OR3A2: variants seen among roughly 807,000 people sequenced by gnomAD.
The protein encoded by OR3A2 is olfactory receptor 3A2.
For synonymous variants in OR3A2, 126 were observed against 159.3 expected, an observed-to-expected ratio of 0.79 and a Z score of 1.57; for missense variants, 318 against 392.8, an observed-to-expected ratio of 0.81 and a Z score of 1.61.
At chr17:3,335,374 C>A (rs933118915) in intron 3 of OR3A2, among the ~76,000 whole-genome samples, 2 of 152,004 alleles carry the variant, frequency 1.3e-5, no homozygotes, top group African/African-American at 2.4e-5. Context: ...ATTAATCTAG[C>A]CTTTCTTTTG....
At chr17:3,349,919 C>A (rs996870419) in intron 2 of OR3A2, among the ~76,000 whole-genome samples, 2 of 151,968 alleles carry the variant, frequency 1.3e-5, no homozygotes, top group Non-Finnish European at 2.9e-5. Context: ...GAACAACCTG[C>A]TCCTGAATGA....
chr17:3,306,986 T>C lies in OR3A2; in HGVS notation c.-84-27833A>G, dbSNP rs139733340. 1.8e-4 allele frequency among the ~76,000 whole-genome samples: 28 copies of C among 152,346 alleles called. No individual in the cohort carries two copies. The East Asian group carries it at 5.0e-3, about 27-fold the overall frequency. On this transcript the variant is annotated intron_variant, in intron 3 of 4. Transcript: ENST00000573491. Reference sequence around the variant, plus strand: ...TTACACACGCACGCGTGCTTGTGTGTGTGCGCATTTTGTACAAAAGGTTTT... The same window carrying C: ...TTACACACGCACGCGTGCTTGTGTGCGTGCGCATTTTGTACAAAAGGTTTT...
intron 2 of OR3A2, among the ~76,000 whole-genome samples, chr17:3,367,601 G>GTATACA: frequency 8.2e-6 from 1 of 122,538 alleles, no homozygotes; most frequent in East Asian, 2.2e-4. Context: ...GTGTGTGTGT[G>GTATACA]TATATATATA....
At chr17:3,315,754 G>A (rs1363618457) in intron 3 of OR3A2, among the ~76,000 whole-genome samples, 3 of 100,794 alleles carry the variant, frequency 3.0e-5, no homozygotes, top group African/African-American at 1.5e-4. Flanking sequence ...GAAAATATGG[G>A]GGGGGGGGCG....
At chr17:3,360,409 C>T (rs949541128) in intron 2 of OR3A2, among the ~76,000 whole-genome samples, 7 of 151,496 alleles carry the variant, frequency 4.6e-5, no homozygotes, top group Non-Finnish European at 7.3e-5. Flanking sequence ...TGTGCAGAAG[C>T]TCTTTAGTTT....
intron 2 of OR3A2, among the ~76,000 whole-genome samples, chr17:3,337,968 T>C (rs180762303): frequency 2.0e-5 from 3 of 152,376 alleles, no homozygotes; most frequent in Admixed American, 6.5e-5. Flanking sequence ...ATCGCCATTC[T>C]AACTGGTGTG....
At chr17:3,279,901 A>G (rs779473411) in intron 1 of OR3A2, among the ~76,000 whole-genome samples, 1 of 152,218 alleles carries the variant, frequency 6.6e-6, no homozygotes, top group Non-Finnish European at 1.5e-5. Context: ...ATGATTGTGG[A>G]TATCAGAAAG....
chr17:3,380,965 T>C (rs1167785880), intron 2 of OR3A2, among the ~76,000 whole-genome samples: 2 of 152,146 alleles, frequency 1.3e-5, no homozygotes, highest in Non-Finnish European at 2.9e-5. Context: ...TCTATTGAGG[T>C]TTTATGTCTC....
At chr17:3,345,659 A>G (rs990935754) in intron 2 of OR3A2, among the ~76,000 whole-genome samples, 4 of 152,124 alleles carry the variant, frequency 2.6e-5, no homozygotes, top group Non-Finnish European at 5.9e-5. Context: ...AGTCTCCCAG[A>G]AAGTAGAGAG....
At chr17:3,360,372 G>C (rs2049501728) in intron 2 of OR3A2, among the ~76,000 whole-genome samples, 1 of 151,660 alleles carries the variant, frequency 6.6e-6, no homozygotes, top group Non-Finnish European at 1.5e-5. Context: ...TAGGTTGCCT[G>C]TTCACCCTGA....
rs1194345722 is a variant in OR3A2, at chr17:3,380,386, C to T, written c.-179+3418G>A. ...TCTGACTGATCCCCTGATTACTGAGCGACTGCAGACACAGTTCTCCGGGTG... is the reference window on the plus strand; with the variant it reads ...TCTGACTGATCCCCTGATTACTGAGTGACTGCAGACACAGTTCTCCGGGTG... On this transcript the variant is annotated intron_variant, in intron 2 of 4. Coordinates refer to the OR3A2 transcript ENST00000573491. Among the ~76,000 whole-genome samples, 5 of 152,104 alleles carry T rather than the reference C, an allele frequency of 3.3e-5. No homozygotes were observed. The East Asian group carries it at 7.7e-4, about 23-fold the overall frequency.
In OR3A2 at chr17:3,377,553, G is replaced by A. The variant is rs928081903; in HGVS notation, c.-179+6251C>T. The A allele has an allele frequency of 5.3e-5, 8 of 152,228 alleles. No individual in the cohort carries two copies. The South Asian group carries it at 6.2e-4, about 12-fold the overall frequency. 9.4% of individuals were successfully genotyped at this position (152,228 alleles called of 1,614,324 possible). A position where few individuals can be genotyped will look rare whatever the true frequency, so the allele number is the denominator to read the frequency against. On this transcript the variant is annotated intron_variant, in intron 2 of 4. Transcript: ENST00000573491. ...AGACTCCTTCAGGCGTTTGTTCCTC[G>A]GGCTTTAGATGAATGGGTTTGGCAT...
intron 1 of OR3A2, among the ~76,000 whole-genome samples, chr17:3,282,402 T>C (rs2048782322): frequency 6.9e-6 from 1 of 145,272 alleles, no homozygotes; most frequent in African/African-American, 2.7e-5. Flanking sequence ...TCTGAGATTC[T>C]GTCTCAAAAA....
chr17:3,285,254 A>T (rs542993613), upstream of OR3A2, among the ~76,000 whole-genome samples: 1 of 152,106 alleles, frequency 6.6e-6, no homozygotes, highest in Non-Finnish European at 1.5e-5. Context: ...CCTAAGAGAG[A>T]GGGCTCCTTC....
intron 3 of OR3A2, among the ~76,000 whole-genome samples, chr17:3,324,170 T>A (rs989980470): frequency 6.6e-6 from 1 of 152,146 alleles, no homozygotes; most frequent in African/African-American, 2.4e-5. Flanking sequence ...GGCTTCTGCA[T>A]TCGTCACGTA....
intron 2 of OR3A2, among the ~76,000 whole-genome samples, chr17:3,349,098 T>G (rs900777053): frequency 1.3e-5 from 2 of 152,058 alleles, no homozygotes; most frequent in South Asian, 2.1e-4. Context: ...TAAAGACCAT[T>G]GAGACTAGGA....
chr17:3,303,306 A>G (rs2048978583), intron 3 of OR3A2, among the ~76,000 whole-genome samples: 1 of 152,218 alleles, frequency 6.6e-6, no homozygotes, highest in African/African-American at 2.4e-5. Context: ...AGTTATCTAA[A>G]AAATAAGACA....
At chr17:3,337,523 T>C (rs1182760440) in intron 2 of OR3A2, among the ~76,000 whole-genome samples, 3 of 152,204 alleles carry the variant, frequency 2.0e-5, no homozygotes, top group African/African-American at 4.8e-5. Context: ...GAACATGTAG[T>C]GCTTGGTTTT....
In OR3A2 at chr17:3,311,233, C is replaced by A. The variant is rs561981962; in HGVS notation, c.-85+24800G>T. The A allele has an allele frequency of 1.9e-6, 1 of 535,868 alleles. No individual in the cohort carries two copies. Among genetic ancestry groups the A allele is most frequent in the African/African-American group, 1.9e-5 (1 of 51,936 alleles). The allele number at this position is 535,868 out of a possible 1,614,324, so 33.2% of individuals were successfully genotyped here. ...GTCGGGTGCATCAGTCACTGTTCCT[C>A]CGATGCTGGCGTGTCTCCAGGCCCA... On this transcript the variant is annotated intron_variant, in intron 3 of 4. Transcript: ENST00000573491. The surrounding 1 kb of genome is among the most constrained non-coding windows in gnomAD (Gnocchi z 4.6).
Sources: gnomAD v4.1 joint callset for allele counts (sites outside exome capture counted in the v4.1 genomes callset) on GRCh38, gnomAD v4.1.1 for gene constraint, Gnocchi (gnomAD v3.1) non-coding constraint, MANE v1.5 for transcripts, NCBI Gene and HGNC (gene_info 2026-07-23, HGNC 2026-07-21) for gene names.